LIMS1: variants seen among roughly 807,000 people sequenced by gnomAD.
LIMS1 encodes the protein LIM zinc finger domain containing 1.
LIMS1 carries 18 observed loss-of-function variants against 44.1 expected under a neutral mutation model. The observed-to-expected ratio is 0.41, with a 90% confidence interval of 0.28 to 0.61. The LOEUF (loss-of-function observed/expected upper bound fraction) is 0.61. LIMS1 is among the 20% of genes least tolerant of loss of function. LIMS1 has a pLI of 0.32. For missense variants in LIMS1, 201 were observed against 422.0 expected (o/e 0.48, Z 4.59); for synonymous variants, 93 against 149.1 (o/e 0.62, Z 2.74).
intron 1 of LIMS1, among the ~76,000 whole-genome samples, chr2:108,589,541 C>T (rs780523043): frequency 1.4e-4 from 21 of 152,038 alleles, no homozygotes; most frequent in Non-Finnish European, 1.9e-4. Flanking sequence ...TATTTCCTTC[C>T]TCCTGCTAAC....
chr2:108,572,492 C>T (rs915110227), intron 1 of LIMS1, among the ~76,000 whole-genome samples: 18 of 149,914 alleles, frequency 1.2e-4, no homozygotes, highest in Non-Finnish European at 1.9e-4. Context: ...ATGTGATTCT[C>T]CTGCCTCAGC....
chr2:108,594,187 A>G (rs966423908), intron 1 of LIMS1, among the ~76,000 whole-genome samples: 53 of 152,200 alleles, frequency 3.5e-4, no homozygotes, highest in South Asian at 1.9e-3. Context: ...GCTGTGGGGA[A>G]GGGGTAGCTT....
intron 8 of LIMS1, among the ~76,000 whole-genome samples, chr2:108,679,433 TCA>T (rs1216802413): frequency 6.6e-6 from 1 of 151,850 alleles, no homozygotes; most frequent in Non-Finnish European, 1.5e-5. Context: ...TGAGCCAAGA[TCA>T]CACCATTGCA....
intron 1 of LIMS1, among the ~76,000 whole-genome samples, chr2:108,551,796 C>A (rs926510631): frequency 2.8e-5 from 4 of 143,320 alleles, no homozygotes; most frequent in Non-Finnish European, 4.5e-5. Flanking sequence ...ACAGATATAT[C>A]TGTATATATG....
chr2:108,572,742 G>A (rs1685525438), intron 1 of LIMS1, among the ~76,000 whole-genome samples: 2 of 152,072 alleles, frequency 1.3e-5, no homozygotes, highest in South Asian at 4.1e-4. Flanking sequence ...TGTAGGGGAC[G>A]GTAGGCAACG....
chr2:108,585,022 G>A (rs1467428289), intron 1 of LIMS1, among the ~76,000 whole-genome samples: 2 of 151,848 alleles, frequency 1.3e-5, no homozygotes, highest in East Asian at 1.9e-4. Flanking sequence ...GTGGTGGCAC[G>A]TGCCTGTTGA....
chr2:108,659,688 A>G (rs148536776), exon 2 of LIMS1: 15 of 1,612,328 alleles, frequency 9.3e-6, no homozygotes, highest in Non-Finnish European at 1.1e-5. Context: ...GTGAACAGTA[A>G]TGGGGAGCTG....
intron 1 of LIMS1, among the ~76,000 whole-genome samples, chr2:108,646,739 C>G (rs1015964011): frequency 6.6e-6 from 1 of 152,126 alleles, no homozygotes; most frequent in South Asian, 2.1e-4. Flanking sequence ...CGGAGTCTGG[C>G]TCTGTCGCCA....
chr2:108,558,241 G>C (rs146559829), intron 1 of LIMS1, among the ~76,000 whole-genome samples: 1 of 149,700 alleles, frequency 6.7e-6, no homozygotes, highest in Non-Finnish European at 1.5e-5. Flanking sequence ...TTTTTGAGAC[G>C]GAGTCTTGTT....
At chr2:108,620,452 G>C (rs575864376) in intron 1 of LIMS1, among the ~76,000 whole-genome samples, 1 of 152,294 alleles carries the variant, frequency 6.6e-6, no homozygotes, top group African/African-American at 2.4e-5. Flanking sequence ...GGGCCGTGCT[G>C]TGCCTGCTGT....
chr2:108,664,106 G>A (rs1307109207), intron 2 of LIMS1, among the ~76,000 whole-genome samples: 1 of 152,062 alleles, frequency 6.6e-6, no homozygotes, highest in East Asian at 1.9e-4. Context: ...TTTACAAAGA[G>A]GTTTCTTCAC....
intron 1 of LIMS1, among the ~76,000 whole-genome samples, chr2:108,536,172 C>T (rs764620354): frequency 6.6e-6 from 1 of 152,214 alleles, no homozygotes; most frequent in East Asian, 1.9e-4. Context: ...CTATCCCCTT[C>T]CCATCCTGAA....
intron 1 of LIMS1, among the ~76,000 whole-genome samples, chr2:108,601,709 G>T (rs1456707723): frequency 6.6e-6 from 1 of 152,186 alleles, no homozygotes; most frequent in Non-Finnish European, 1.5e-5. Context: ...TAGAGACAGG[G>T]TTTCGCCATG....
At chr2:108,639,751 G>C (rs565406181) in intron 1 of LIMS1, among the ~76,000 whole-genome samples, 1 of 152,078 alleles carries the variant, frequency 6.6e-6, no homozygotes, top group African/African-American at 2.4e-5. Context: ...GTGCCCAGCC[G>C]TGTACATGTA....
chr2:108,670,976 G>A, intron 3 of LIMS1, 129 bp downstream of exon 3: 6 of 1,099,444 alleles, frequency 5.5e-6, no homozygotes, highest in South Asian at 1.3e-5. Context: ...TTCGAGACCA[G>A]CCTGGCCAAC....
At chr2:108,627,285 G>C (rs1459352532) in intron 1 of LIMS1, among the ~76,000 whole-genome samples, 1 of 152,058 alleles carries the variant, frequency 6.6e-6, no homozygotes, top group African/African-American at 2.4e-5. Flanking sequence ...AGCAATGTAT[G>C]ACTAGTAGAG....
At chr2:108,629,355 T>C (rs1004254901) in intron 1 of LIMS1, among the ~76,000 whole-genome samples, 5 of 152,170 alleles carry the variant, frequency 3.3e-5, no homozygotes, top group Non-Finnish European at 7.3e-5. Context: ...TTCAGAGATA[T>C]ATATAAAGAA....
intron 1 of LIMS1, among the ~76,000 whole-genome samples, chr2:108,628,996 G>A (rs943956371): frequency 6.6e-5 from 10 of 152,192 alleles, no homozygotes; most frequent in African/African-American, 2.2e-4. Context: ...ATATCAGTAG[G>A]TTTGGTGTCC....
At chr2:108,561,835 C>T (rs938543968) in intron 1 of LIMS1, among the ~76,000 whole-genome samples, 2 of 151,518 alleles carry the variant, frequency 1.3e-5, no homozygotes, top group South Asian at 4.2e-4. Context: ...CTCTGCCTCC[C>T]GGGTTCAAGC....
Sources: gnomAD v4.1 joint callset for allele counts (sites outside exome capture counted in the v4.1 genomes callset) on GRCh38, gnomAD v4.1.1 for gene constraint, MANE v1.5 for transcripts, NCBI Gene and HGNC (gene_info 2026-07-23, HGNC 2026-07-21) for gene names.